Variants in GSS observed in about 807,000 individuals in gnomAD.
GSS encodes glutathione synthetase.
In GSS, 34 loss-of-function variants were observed where a neutral mutation model predicts 60.4. That is an observed-to-expected ratio of 0.56 (90% CI 0.43 to 0.75). GSS has a LOEUF of 0.75. Ranked by LOEUF, GSS falls within the 30% of genes least tolerant of loss-of-function variation. The pLI, the probability that GSS is intolerant of heterozygous loss-of-function variation, is 0.00. For missense variants in GSS, 499 were observed against 595.1 expected (o/e 0.84, Z 1.68); for synonymous variants, 224 against 239.0 (o/e 0.94, Z 0.58).
At position 34,945,383 on chromosome 20, in the gene GSS, GA is replaced by G. The variant is rs11453665; in HGVS notation, c.275+569del. Among the ~76,000 whole-genome samples the G allele has an allele frequency of 1.0e-3, 146 of 141,436 alleles. 1 individual carries two copies. The highest frequency in any genetic ancestry group is 3.3e-3 in the East Asian group (16 of 4,836). 92.8% of individuals were successfully genotyped at this position (141,436 alleles called of 152,430 possible). A position where few individuals can be genotyped will look rare whatever the true frequency, so the allele number is the denominator to read the frequency against. Reference sequence around the variant, plus strand: ...TTAAGAAATTGCCCCAGAATCTGAAGAAAAAAAAAAAAAGATCAAGGGAAAG... The same window carrying G: ...TTAAGAAATTGCCCCAGAATCTGAAGAAAAAAAAAAAAGATCAAGGGAAAG... On this transcript the variant is annotated intron_variant, in intron 3 of 12. Transcript: ENST00000651619.
At chr20:34,929,068 A>C (rs1247974076) in intron 12 of GSS, 117 bp from the exon 13 acceptor site, 1 of 1,270,590 alleles carries the variant, frequency 7.9e-7, no homozygotes. Flanking sequence ...AAGTGCTAGG[A>C]TTTTAGAGTC....
chr20:34,935,355 G>A (rs183329035), intron 9 of GSS, among the ~76,000 whole-genome samples: 65 of 152,318 alleles, frequency 4.3e-4, no homozygotes, highest in South Asian at 2.9e-3. Flanking sequence ...GTAAATGGCT[G>A]AAGCTCTGTG....
chr20:34,934,465 CG>C (rs1383503718), intron 9 of GSS, among the ~76,000 whole-genome samples: 2 of 151,944 alleles, frequency 1.3e-5, no homozygotes, highest in African/African-American at 4.8e-5. Flanking sequence ...TTAGTAGAGA[CG>C]GGGTTTCACC....
chr20:34,939,771 T>C (rs1203270356), intron 6 of GSS, among the ~76,000 whole-genome samples: 1 of 151,332 alleles, frequency 6.6e-6, no homozygotes, highest in East Asian at 1.9e-4. Context: ...CGGGTTCAAG[T>C]GATTCTCCTG....
chr20:34,946,111 A>G lies in GSS; in HGVS notation c.130-13T>C, dbSNP rs1356428768. 2 of 1,605,366 alleles carry G rather than the reference A, an allele frequency of 1.2e-6. No individual in the cohort carries two copies. Among genetic ancestry groups the G allele is most frequent in the Admixed American group, 3.3e-5 (2 of 59,830 alleles). ...CATAGCTCACCACCTGTGATCAAGA[A>G]GAGAGAATGGGACAGGGGTAGGGCA... On this transcript the variant is annotated splice_polypyrimidine_tract_variant and intron_variant, in intron 2 of 12. Coordinates refer to ENST00000651619, the MANE Select transcript of GSS (RefSeq NM_000178.4).
At chr20:34,943,198 C>T (rs1356917390) in intron 3 of GSS, among the ~76,000 whole-genome samples, 192 bp from the exon 4 acceptor site, 3 of 152,196 alleles carry the variant, frequency 2.0e-5, no homozygotes, top group Admixed American at 6.5e-5. Flanking sequence ...AGCTCTACCA[C>T]TCACTAGTAG....
At chr20:34,948,560 C>A (rs1234854918) in intron 2 of GSS, among the ~76,000 whole-genome samples, 1 of 152,128 alleles carries the variant, frequency 6.6e-6, no homozygotes, top group Non-Finnish European at 1.5e-5. Flanking sequence ...CCGAGGCGGG[C>A]AGATCACAAG....
chr20:34,929,929 A>G (rs1165700264), intron 11 of GSS, among the ~76,000 whole-genome samples: 2 of 152,078 alleles, frequency 1.3e-5, no homozygotes, highest in Non-Finnish European at 2.9e-5. Context: ...ACATTTTCCC[A>G]AGGAGATCTC....
At chr20:34,948,874 G>A (rs1461169678) in intron 2 of GSS, among the ~76,000 whole-genome samples, 3 of 152,156 alleles carry the variant, frequency 2.0e-5, no homozygotes, top group Non-Finnish European at 4.4e-5. Flanking sequence ...AAGCAACAGG[G>A]AGTGATAGGA....
chr20:34,949,423 AT>A lies in GSS; in HGVS notation c.129+2300del, dbSNP rs34433793. ...GCATTTCAGCTGCATTCTCTTGAAC[AT>A]TTTTTTTTTTTTTTGCCTTTTCCTA... On this transcript the variant is annotated intron_variant, in intron 2 of 12. Transcript: ENST00000651619. 8.1e-3 allele frequency: 1,094 copies of A among 135,024 alleles called. 4 individuals carry two copies. The highest frequency in any genetic ancestry group is 0.011 in the East Asian group (52 of 4,606). The allele number at this position is 135,024 out of a possible 1,614,324, so 8.4% of individuals were successfully genotyped here.
chr20:34,947,949 CTTTTTTT>C (rs11429240), intron 2 of GSS, among the ~76,000 whole-genome samples: 1 of 136,020 alleles, frequency 7.4e-6, no homozygotes, highest in Non-Finnish European at 1.6e-5. Flanking sequence ...TTCTCAGCAT[CTTTTTTT>C]TTTTTTTTTG....
chr20:34,948,513 C>T (rs1218894514), intron 2 of GSS, among the ~76,000 whole-genome samples: 1 of 152,148 alleles, frequency 6.6e-6, no homozygotes, highest in African/African-American at 2.4e-5. Flanking sequence ...TGGCCGGGCA[C>T]GGTGGCTCAT....
At chr20:34,932,241 T>G in intron 9 of GSS, 108 bp from the exon 10 acceptor site, 1 of 853,482 alleles carries the variant, frequency 1.2e-6, no homozygotes, top group Non-Finnish European at 2.0e-6. Context: ...ATCTTCACCC[T>G]CATTATCACC....
At position 34,931,402 on chromosome 20, in the gene GSS, G is replaced by T. The variant is rs773198526; in HGVS notation, c.1045C>A (p.Gln349Lys). 1 of 1,614,086 alleles carries T rather than the reference G, an allele frequency of 6.2e-7. No individual in the cohort carries two copies. The highest frequency in any genetic ancestry group is 8.5e-7 in the Non-Finnish European group (1 of 1,179,920). Residue 349 changes from glutamine (Q) to lysine (K), a missense_variant, in exon 11 of 13, where the codon CAG becomes AAG. By Grantham distance (53) the Gln-to-Lys change is moderately conservative. Coordinates refer to ENST00000651619, the MANE Select transcript of GSS (RefSeq NM_000178.4). ...GCAGCAAGGGCCTCGGCGATGGCCT[G>T]GTCCCCTTCTTCACCCTGGCAGGAG... Reference protein sequence around the residue: ...YSLDVGEEGDQAIAEALAAPS... With the variant: ...YSLDVGEEGDKAIAEALAAPS...
At chr20:34,939,212 C>G (rs2147127305) in intron 6 of GSS, among the ~76,000 whole-genome samples, 1 of 152,138 alleles carries the variant, frequency 6.6e-6, no homozygotes, top group African/African-American at 2.4e-5. Flanking sequence ...TGCACTCCAG[C>G]CTGGGCAACA....
chr20:34,941,600 T>C, intron 6 of GSS, 113 bp downstream of exon 6: 1 of 751,202 alleles, frequency 1.3e-6, no homozygotes, highest in Non-Finnish European at 2.5e-6. Flanking sequence ...TAAGTTTCTA[T>C]TCCTAGAAAA....
intron 2 of GSS, among the ~76,000 whole-genome samples, chr20:34,947,215 G>T (rs2081529656): frequency 1.3e-5 from 2 of 151,902 alleles, no homozygotes; most frequent in South Asian, 4.2e-4. Flanking sequence ...AGCCTCCCAA[G>T]TAGCTGAGAC....
chr20:34,929,438 A>G lies in GSS; in HGVS notation c.1264T>C (p.Cys422Arg). 2 of 1,614,080 alleles carry G rather than the reference A, an allele frequency of 1.2e-6. No individual in the cohort carries two copies. The highest frequency in any genetic ancestry group is 1.7e-6 in the Non-Finnish European group (2 of 1,179,978). ...RPGSPARVVQCISELGIFGVY... is the reference protein window; with the variant it reads ...RPGSPARVVQRISELGIFGVY... ...CCAAAGATGCCCAGCTCTGAAATGC[A>G]CTGGACCACTCGGGCAGGGCTGCCA... is the stretch of plus-strand genomic sequence containing the variant. The change falls in exon 12 of 13, where the codon TGC (cysteine) becomes CGC (arginine). Residue 422 changes from cysteine to arginine, a missense_variant. Physicochemically the swap from Cys to Arg is radical, Grantham distance 180 (BLOSUM62 -3). Coordinates refer to ENST00000651619, the MANE Select transcript of GSS (RefSeq NM_000178.4).
chr20:34,944,613 T>C (rs1304920638), intron 3 of GSS, among the ~76,000 whole-genome samples: 1 of 152,248 alleles, frequency 6.6e-6, no homozygotes, highest in Non-Finnish European at 1.5e-5. Flanking sequence ...TTATCCGAAA[T>C]GCTTGGGACC....
Sources: allele counts gnomAD v4.1 joint callset (sites outside exome capture counted in the v4.1 genomes callset), GRCh38; gene constraint gnomAD v4.1.1; transcripts MANE v1.5; gene names NCBI Gene and HGNC (gene_info 2026-07-23, HGNC 2026-07-21).